CACNA1H: variants seen among roughly 807,000 people sequenced by gnomAD.
CACNA1H encodes the protein calcium voltage-gated channel subunit alpha1 H.
In CACNA1H, 149 loss-of-function variants were observed where a neutral mutation model predicts 192.5. That is an observed-to-expected ratio of 0.77 (90% CI 0.68 to 0.89). The LOEUF is 0.89. Ranked by LOEUF, CACNA1H falls within the 40% of genes least tolerant of loss-of-function variation. The pLI, the probability that CACNA1H is intolerant of heterozygous loss-of-function variation, is 0.00. For missense variants in CACNA1H, 4,257 were observed against 3,423.5 expected (o/e 1.24, Z -6.08); for synonymous variants, 2,202 against 1,475.2 (o/e 1.49, Z -11.29).
intron 2 of CACNA1H, among the ~76,000 whole-genome samples, chr16:1,155,974 T>C (rs1484578081): frequency 6.6e-6 from 1 of 152,018 alleles, no homozygotes; most frequent in Non-Finnish European, 1.5e-5. Flanking sequence ...ACTTGGGTGC[T>C]GTCCTGGTCT....
chr16:1,171,709 A>G (rs1270015869), intron 2 of CACNA1H, among the ~76,000 whole-genome samples: 1 of 151,790 alleles, frequency 6.6e-6, no homozygotes, highest in Non-Finnish European at 1.5e-5. Context: ...CACAGAGACC[A>G]CCACCCTCCC....
intron 2 of CACNA1H, among the ~76,000 whole-genome samples, chr16:1,158,959 G>A (rs895673234): frequency 9.9e-5 from 15 of 152,182 alleles, no homozygotes; most frequent in East Asian, 3.9e-4. Context: ...CAGGGGTCTC[G>A]GGTTTCACCG....
rs542602107 is a variant in CACNA1H at position 1,194,328 on chromosome 16, T to G, written c.300-644T>G. Among the ~76,000 whole-genome samples the G allele has an allele frequency of 9.2e-4, 140 of 152,312 alleles. 1 individual carries two copies. Among genetic ancestry groups the G allele is most frequent in the Non-Finnish European group, 1.5e-3 (99 of 68,002 alleles). ...TTGGTGCTTTCCAAATGCCGGCTTCTACCTTAAGGAAGGTCCCTCCTGGGT... is the reference window on the plus strand; with the variant it reads ...TTGGTGCTTTCCAAATGCCGGCTTCGACCTTAAGGAAGGTCCCTCCTGGGT... On this transcript the variant is annotated intron_variant, in intron 2 of 34. Transcript: ENST00000348261.
chr16:1,173,604 CAGTG>C (rs1306851332), intron 2 of CACNA1H, among the ~76,000 whole-genome samples: 3 of 152,252 alleles, frequency 2.0e-5, no homozygotes, highest in Non-Finnish European at 2.9e-5. Flanking sequence ...GTTAAAAACT[CAGTG>C]AGAAGAGGGG....
intron 2 of CACNA1H, among the ~76,000 whole-genome samples, 194 bp from the exon 3 acceptor site, chr16:1,194,778 C>T (rs1477581095): frequency 3.3e-5 from 5 of 152,076 alleles, no homozygotes; most frequent in South Asian, 2.1e-4. Context: ...CCCGGCCAGG[C>T]GCAGGCCCCA....
intron 2 of CACNA1H, among the ~76,000 whole-genome samples, chr16:1,187,885 C>T (rs1288462124): frequency 6.6e-6 from 1 of 152,210 alleles, no homozygotes. Context: ...TCTGTAGAAA[C>T]ATCTGTCCTG....
At chr16:1,199,940 C>G (rs1453303779) in intron 6 of CACNA1H, among the ~76,000 whole-genome samples, 1 of 151,988 alleles carries the variant, frequency 6.6e-6, no homozygotes, top group African/African-American at 2.4e-5. Context: ...CTGTGCTGTT[C>G]TTTGTTGATT....
chr16:1,153,678 G>A, intron 1 of CACNA1H, 42 bp from the exon 2 acceptor site: 1 of 1,138,552 alleles, frequency 8.8e-7, no homozygotes, highest in Non-Finnish European at 1.1e-6. Context: ...GGCAGGGCGG[G>A]GGCGTCGCCA....
intron 2 of CACNA1H, among the ~76,000 whole-genome samples, chr16:1,170,736 C>G (rs2151704598): frequency 6.6e-6 from 1 of 152,236 alleles, no homozygotes. Flanking sequence ...TTGGGCCCCC[C>G]CACCGCCGTG....
chr16:1,203,925 C>A (rs758480182), intron 9 of CACNA1H, 85 bp from the exon 10 acceptor site: 350 of 985,984 alleles, frequency 3.5e-4, no homozygotes, highest in Middle Eastern at 6.3e-4. Flanking sequence ...CACATTCACC[C>A]CACCGCTCCT....
rs533553971 is a variant in CACNA1H at position 1,161,118 on chromosome 16, A to G, written c.299+7082A>G. Among the ~76,000 whole-genome samples, 82 of 152,256 alleles carry G rather than the reference A, an allele frequency of 5.4e-4. 2 individuals carry two copies. The South Asian group carries it at 0.015, about 28-fold the overall frequency. On this transcript the variant is annotated intron_variant, in intron 2 of 34. Transcript: ENST00000348261. ...TGTCTGCAGAACTGGCTCCTGCAGA[A>G]AAGGCCTTGAGCGAGACCTCAGCGT... is the stretch of plus-strand genomic sequence containing the variant.
chr16:1,190,638 G>A lies in CACNA1H; in HGVS notation c.300-4334G>A, dbSNP rs558089901. On this transcript the variant is annotated intron_variant, in intron 2 of 34. Coordinates refer to ENST00000348261, the MANE Select transcript of CACNA1H (RefSeq NM_021098.3). The stretch of plus-strand genomic sequence containing the variant: ...GCCTGTCACGTCCTCTGTCGTGAGA[G>A]GCCTCCTTGGGGCCCCCCAGACCCT... Among the ~76,000 whole-genome samples, 9 of 152,356 alleles carry A rather than the reference G, an allele frequency of 5.9e-5. No individual in the cohort carries two copies. The East Asian group carries it at 1.5e-3, about 26-fold the overall frequency.
intron 30 of CACNA1H, among the ~76,000 whole-genome samples, chr16:1,216,050 C>T (rs1970000414): frequency 6.6e-6 from 1 of 152,142 alleles, no homozygotes; most frequent in Non-Finnish European, 1.5e-5. Context: ...GCCAAGAGAC[C>T]CAACACGTTG....
intron 5 of CACNA1H, 118 bp from the exon 6 acceptor site, chr16:1,198,497 T>C: frequency 9.2e-7 from 1 of 1,085,476 alleles, no homozygotes; most frequent in Non-Finnish European, 1.4e-6. Context: ...CAGTGTGCAG[T>C]GGGCGTGGAC....
intron 2 of CACNA1H, among the ~76,000 whole-genome samples, chr16:1,186,038 A>G (rs1359690461): frequency 2.4e-5 from 1 of 42,334 alleles, no homozygotes; most frequent in Non-Finnish European, 4.5e-5. Flanking sequence ...CGGGGTGTGT[A>G]CGGGGCGGGT....
At position 1,195,525 on chromosome 16, in the gene CACNA1H, G is replaced by T; in HGVS notation, c.505G>T (p.Asp169Tyr). Reference sequence around the variant, plus strand: ...GTTCGGGCAGAAGTGTTACCTGGGTGACACGTGGAACAGGCTGGATTTCTT... The same window carrying T: ...GTTCGGGCAGAAGTGTTACCTGGGTTACACGTGGAACAGGCTGGATTTCTT... ...GLFGQKCYLGDTWNRLDFFIV... is the reference protein window; with the variant it reads ...GLFGQKCYLGYTWNRLDFFIV... The change falls in exon 4 of 35, where the codon GAC (aspartate) becomes TAC (tyrosine). Residue 169 changes from aspartate (D) to tyrosine (Y), a missense_variant. Asp to Tyr is a radical substitution (Grantham distance 160, BLOSUM62 -3). Transcript: ENST00000348261. 6.2e-7 allele frequency: 1 copy of T among 1,605,682 alleles called. No homozygotes were observed. Among genetic ancestry groups the T allele is most frequent in the Non-Finnish European group, 8.5e-7 (1 of 1,176,434 alleles).
chr16:1,174,948 AC>A (rs1339893900), intron 2 of CACNA1H, among the ~76,000 whole-genome samples: 93 of 10,850 alleles, frequency 8.6e-3, no homozygotes, highest in Non-Finnish European at 5.3e-3. Context: ...CCACCCCCCC[AC>A]CCCCCACCTC....
At chr16:1,189,778 A>G (rs1480295821) in intron 2 of CACNA1H, among the ~76,000 whole-genome samples, 1 of 151,914 alleles carries the variant, frequency 6.6e-6, no homozygotes, top group African/African-American at 2.4e-5. Flanking sequence ...ACTGTGCCTG[A>G]GGAGTATTTC....
chr16:1,154,446 C>T (rs1403409284), intron 2 of CACNA1H, among the ~76,000 whole-genome samples: 1 of 152,052 alleles, frequency 6.6e-6, no homozygotes, highest in Non-Finnish European at 1.5e-5. Flanking sequence ...AGGCCCCTCG[C>T]GGGGGAGGGG....
Sources: gnomAD v4.1 joint callset for allele counts (sites outside exome capture counted in the v4.1 genomes callset) on GRCh38, gnomAD v4.1.1 for gene constraint, MANE v1.5 for transcripts, NCBI Gene and HGNC (gene_info 2026-07-23, HGNC 2026-07-21) for gene names.